Variants in GHR observed in about 807,000 individuals in gnomAD.
The protein encoded by GHR is GH receptor.
GHR carries 35 observed loss-of-function variants against 67.1 expected under a neutral mutation model. The ratio of observed to expected loss-of-function variants is 0.52; its 90% CI spans 0.40 to 0.69. GHR has a LOEUF of 0.69. Ranked by LOEUF, GHR falls within the 30% of genes least tolerant of loss-of-function variation. The pLI, the probability that GHR is intolerant of heterozygous loss-of-function variation, is 0.00. For synonymous variants in GHR, 272 were observed against 269.1 expected (o/e 1.01, Z -0.10); for missense variants, 792 against 764.6 (o/e 1.04, Z -0.42).
At chr5:42,699,739 A>G (rs762276237) in intron 5 of GHR, 85 bp from the exon 6 acceptor site, 9 of 862,910 alleles carry the variant, frequency 1.0e-5, no homozygotes, top group African/African-American at 1.6e-5. Flanking sequence ...AAATGTAGAA[A>G]GTAATTTGGT....
intron 2 of GHR, among the ~76,000 whole-genome samples, chr5:42,570,151 A>G (rs919059648): frequency 6.6e-6 from 1 of 152,382 alleles, no homozygotes; most frequent in Non-Finnish European, 1.5e-5. Flanking sequence ...GGTTTCAGTT[A>G]GTAAACAGTA....
At chr5:42,522,226 T>C (rs2112308337) in intron 1 of GHR, among the ~76,000 whole-genome samples, 1 of 152,312 alleles carries the variant, frequency 6.6e-6, no homozygotes, top group Middle Eastern at 3.4e-3. Flanking sequence ...TGGTATATGT[T>C]GCCTGCCGAA....
At chr5:42,437,747 G>A (rs1399248633) in intron 1 of GHR, among the ~76,000 whole-genome samples, 1 of 151,418 alleles carries the variant, frequency 6.6e-6, no homozygotes, top group Non-Finnish European at 1.5e-5. Context: ...ATAGAGACAG[G>A]GTTTAGCCAG....
At chr5:42,502,570 A>G (rs1430914486) in intron 1 of GHR, among the ~76,000 whole-genome samples, 1 of 151,998 alleles carries the variant, frequency 6.6e-6, no homozygotes, top group Non-Finnish European at 1.5e-5. Context: ...GGCTTAAATA[A>G]GTGATTTGTT....
Position 42,719,173 on chromosome 5 carries a change from A to T in GHR, c.1666A>T (p.Ile556Leu), listed in dbSNP as rs370084477. Residue 556 changes from isoleucine (I) to leucine (L), a missense_variant, in exon 10 of 10, where the codon ATA becomes TTA. Coordinates refer to ENST00000230882, the MANE Select transcript of GHR (RefSeq NM_000163.5). ...VAPHIKVESH[I>L]QPSLNQEDIY... ...TCCTCACATCAAGGTTGAATCACAC[A>T]TACAGCCAAGCTTAAACCAAGAGGA... is the stretch of plus-strand genomic sequence containing the variant. 5.0e-6 allele frequency: 8 copies of T among 1,614,074 alleles called. No homozygotes were observed. Among genetic ancestry groups the T allele is most frequent in the South Asian group, 1.1e-5 (1 of 91,088 alleles).
In GHR at chr5:42,468,858, C is replaced by T. The variant is rs909421960; in HGVS notation, c.-12+44903C>T. 3 of 919,996 alleles carry T rather than the reference C, an allele frequency of 3.3e-6. No homozygotes were observed. The African/African-American group carries it at 5.2e-5, about 16-fold the overall frequency. 57.0% of individuals were successfully genotyped at this position (919,996 alleles called of 1,614,324 possible). A position where few individuals can be genotyped will look rare whatever the true frequency, so the allele number is the denominator to read the frequency against. On this transcript the variant is annotated intron_variant, in intron 1 of 9. Coordinates refer to ENST00000230882, the MANE Select transcript of GHR (RefSeq NM_000163.5). ...GGCAGCTGAAGCCTTCCTGTAACTG[C>T]CCAGGCATGATGGTTGCTCGGCGGC...
intron 3 of GHR, among the ~76,000 whole-genome samples, chr5:42,638,458 C>G (rs756449526): frequency 2.0e-5 from 3 of 152,116 alleles, no homozygotes; most frequent in Non-Finnish European, 4.4e-5. Flanking sequence ...ATGAAGTGTA[C>G]TCACACAAAC....
At chr5:42,446,883 C>T (rs67600650) in intron 1 of GHR, among the ~76,000 whole-genome samples, 11,324 of 152,218 alleles carry the variant, frequency 0.074, 522 homozygotes, top group African/African-American at 0.12. Flanking sequence ...TTGTCACATG[C>T]AGTCAAGAAA....
intron 1 of GHR, among the ~76,000 whole-genome samples, chr5:42,523,993 T>C (rs1747590011): frequency 6.6e-6 from 1 of 152,242 alleles, no homozygotes; most frequent in Non-Finnish European, 1.5e-5. Flanking sequence ...CATGTGGAAC[T>C]GTAAGTCCCA....
At chr5:42,643,666 G>A (rs1754587542) in intron 3 of GHR, among the ~76,000 whole-genome samples, 1 of 151,832 alleles carries the variant, frequency 6.6e-6, no homozygotes, top group Non-Finnish European at 1.5e-5. Context: ...GAGAGAAATT[G>A]GCAAAATATT....
At chr5:42,468,954 G>A (rs1020897154) in intron 1 of GHR, 7 of 430,568 alleles carry the variant, frequency 1.6e-5, no homozygotes, top group Non-Finnish European at 3.0e-5. Context: ...CCAGAAGATC[G>A]AAGAACAATT....
At chr5:42,672,034 A>G (rs1013153770) in intron 3 of GHR, among the ~76,000 whole-genome samples, 2 of 152,046 alleles carry the variant, frequency 1.3e-5, no homozygotes, top group African/African-American at 2.4e-5. Context: ...CAAACCCACA[A>G]CAACATAATA....
intron 1 of GHR, among the ~76,000 whole-genome samples, chr5:42,563,386 G>C (rs558659043): frequency 6.6e-6 from 1 of 152,004 alleles, no homozygotes; most frequent in South Asian, 2.1e-4. Flanking sequence ...AGGCCAAGGC[G>C]GGTGGGTCAC....
rs539453399 is a variant in GHR, at chr5:42,598,718, C to G, written c.71-30320C>G. On this transcript the variant is annotated intron_variant, in intron 2 of 9. Coordinates refer to ENST00000230882, the MANE Select transcript of GHR (RefSeq NM_000163.5). The stretch of plus-strand genomic sequence containing the variant: ...AATGGCTATGAGCCCCTGGAACTCT[C>G]TTTATGTTTGCATCTTAAATTTACC... Among the ~76,000 whole-genome samples, 5 of 152,324 alleles carry G rather than the reference C, an allele frequency of 3.3e-5. No individual in the cohort carries two copies. The Middle Eastern group carries it at 0.017, about 518-fold the overall frequency.
intron 1 of GHR, among the ~76,000 whole-genome samples, chr5:42,498,361 G>A (rs1252705644): frequency 6.6e-6 from 1 of 152,122 alleles, no homozygotes. Flanking sequence ...AGGGAGAAAG[G>A]GATGATTTAT....
chr5:42,603,468 C>T lies in GHR; in HGVS notation c.71-25570C>T, dbSNP rs141530169. Among the ~76,000 whole-genome samples the T allele has an allele frequency of 1.4e-3, 220 of 151,998 alleles. 1 individual carries two copies. Among genetic ancestry groups the T allele is most frequent in the African/African-American group, 4.8e-3 (199 of 41,464 alleles). On this transcript the variant is annotated intron_variant, in intron 2 of 9. Coordinates refer to ENST00000230882, the MANE Select transcript of GHR (RefSeq NM_000163.5). Reference sequence around the variant, plus strand: ...CTCTCTCTTCTCCTTTTGTATATTCCGTAATATGTATATGGGTTCACTTGA... The same window carrying T: ...CTCTCTCTTCTCCTTTTGTATATTCTGTAATATGTATATGGGTTCACTTGA...
intron 2 of GHR, among the ~76,000 whole-genome samples, chr5:42,598,298 C>T (rs576719567): frequency 3.9e-5 from 6 of 152,274 alleles, no homozygotes; most frequent in East Asian, 1.9e-4. Context: ...TTATGCCATG[C>T]TAAGGAGTTT....
intron 1 of GHR, among the ~76,000 whole-genome samples, chr5:42,489,866 G>A (rs1310372153): frequency 6.6e-6 from 1 of 152,110 alleles, no homozygotes; most frequent in Non-Finnish European, 1.5e-5. Context: ...GATATAGCCA[G>A]CTGAATAAAC....
At chr5:42,651,541 G>A (rs1755018094) in intron 3 of GHR, among the ~76,000 whole-genome samples, 1 of 152,168 alleles carries the variant, frequency 6.6e-6, no homozygotes, top group African/African-American at 2.4e-5. Context: ...AGAAATGGGA[G>A]AGGACATACT....
Sources: allele counts gnomAD v4.1 joint callset (sites outside exome capture counted in the v4.1 genomes callset), GRCh38; gene constraint gnomAD v4.1.1; transcripts MANE v1.5; gene names NCBI Gene and HGNC (gene_info 2026-07-23, HGNC 2026-07-21).